The following EYS variants were observed in gnomAD, a reference collection of about 807,000 sequenced individuals.
The protein encoded by EYS is protein eyes shut homolog.
Under a neutral mutation model 282.1 loss-of-function variants are expected in EYS, and 250 were observed. The observed-to-expected ratio is 0.89, with a 90% CI of 0.80 to 0.98. EYS has a LOEUF of 0.98. Ranked by LOEUF, EYS falls within the 50% of genes least tolerant of loss-of-function variation. EYS has a pLI of 0.00. For synonymous variants in EYS, 1,355 were observed against 1,282.9 expected, an observed-to-expected ratio of 1.06 and a Z score of -1.20; for missense variants, 4,016 against 3,709.0, an observed-to-expected ratio of 1.08 and a Z score of -2.15.
At chr6:63,991,967 C>G (rs115841846) in intron 34 of EYS, among the ~76,000 whole-genome samples, 4,449 of 151,754 alleles carry the variant, frequency 0.029, 105 homozygotes, top group South Asian at 0.087. Context: ...TTTAAAGGAA[C>G]CTGCAAACCA....
intron 26 of EYS, among the ~76,000 whole-genome samples, chr6:64,569,026 G>A (rs13191569): frequency 8.8e-3 from 888 of 101,348 alleles, no homozygotes; most frequent in Middle Eastern, 0.037. Flanking sequence ...AGATGGAAAA[G>A]AAAAAAAAAA....
chr6:63,905,020 A>G (rs1773740873), intron 35 of EYS, among the ~76,000 whole-genome samples: 1 of 152,168 alleles, frequency 6.6e-6, no homozygotes, highest in African/African-American at 2.4e-5. Context: ...TATCACCCCA[A>G]AGGAAACACC....
At chr6:64,361,221 G>A (rs1456378209) in intron 29 of EYS, among the ~76,000 whole-genome samples, 1 of 120,940 alleles carries the variant, frequency 8.3e-6, no homozygotes, top group Non-Finnish European at 1.8e-5. Flanking sequence ...GTTTTTTTTT[G>A]TGCCTACTAT....
intron 8 of EYS, among the ~76,000 whole-genome samples, chr6:65,378,446 T>G (rs1470875141): frequency 1.3e-5 from 2 of 152,108 alleles, no homozygotes; most frequent in African/African-American, 2.4e-5. Context: ...GGAGTGTAAA[T>G]TAGTTCAATC....
chr6:63,763,192 C>T (rs1206382643), intron 40 of EYS, among the ~76,000 whole-genome samples: 1 of 151,976 alleles, frequency 6.6e-6, no homozygotes, highest in Non-Finnish European at 1.5e-5. Flanking sequence ...AGAGGTGTCC[C>T]TCTAGCTAAA....
chr6:64,274,385 T>A (rs904878609), intron 30 of EYS, among the ~76,000 whole-genome samples: 3 of 151,486 alleles, frequency 2.0e-5, no homozygotes, highest in African/African-American at 7.3e-5. Context: ...TTGCCCAGGC[T>A]GGTCTCAAAC....
intron 2 of EYS, among the ~76,000 whole-genome samples, chr6:65,542,601 G>A (rs898243330): frequency 8.6e-5 from 13 of 151,246 alleles, no homozygotes; most frequent in Admixed American, 7.9e-4. Flanking sequence ...CAGCAACCTC[G>A]GTCATATTCC....
At chr6:64,854,077 T>A (rs143457321) in intron 19 of EYS, among the ~76,000 whole-genome samples, 1 of 151,258 alleles carries the variant, frequency 6.6e-6, no homozygotes, top group Admixed American at 6.6e-5. Flanking sequence ...TTAGAATGGC[T>A]ATCATTATAA....
chr6:64,190,155 G>A (rs148675740), intron 31 of EYS, among the ~76,000 whole-genome samples: 3 of 152,296 alleles, frequency 2.0e-5, no homozygotes, highest in Non-Finnish European at 4.4e-5. Flanking sequence ...AAGCAGGTGT[G>A]CTGAGTGAGC....
intron 2 of EYS, among the ~76,000 whole-genome samples, chr6:65,638,670 C>T (rs763173489): frequency 5.9e-5 from 9 of 152,218 alleles, no homozygotes; most frequent in Non-Finnish European, 1.2e-4. Context: ...AGCTGCCCAC[C>T]GCGCTGCAGC....
chr6:65,153,363 ATGTGTGTGTG>A (rs67661407), intron 12 of EYS, among the ~76,000 whole-genome samples: 8,131 of 135,810 alleles, frequency 0.06, 365 homozygotes, highest in African/African-American at 0.13. Flanking sequence ...GAGATCATAA[ATGTGTGTGTG>A]TGTGTGTGTG....
In EYS at chr6:63,788,238, A is replaced by T; in HGVS notation, c.7590T>A (p.His2530Gln). 2.6e-6 allele frequency: 4 copies of T among 1,535,682 alleles called. No individual in the cohort carries two copies. The highest frequency in any genetic ancestry group is 1.7e-4 in the Middle Eastern group (1 of 5,960). The part of the protein sequence containing the change: ...FQEGWLKVDD[H>Q]KNKSIIAPGR... The stretch of plus-strand genomic sequence containing the variant: ...CTGGGGCGATAATGGATTTATTTTT[A>T]TGATCATCTACCTTCGAAAGGGAAA... Residue 2530 changes from histidine to glutamine, a missense_variant, in exon 39 of 43, where the codon CAT becomes CAA. Transcript: ENST00000503581.
intron 12 of EYS, among the ~76,000 whole-genome samples, chr6:65,262,781 G>A (rs890005250): frequency 6.6e-6 from 1 of 151,988 alleles, no homozygotes; most frequent in East Asian, 1.9e-4. Context: ...GCTCATGTAG[G>A]TATCTCTATA....
Position 64,014,162 on chromosome 6 carries a change from G to A in EYS, c.6726-14979C>T, listed in dbSNP as rs374076897. Among the ~76,000 whole-genome samples, 9 of 151,962 alleles carry A rather than the reference G, an allele frequency of 5.9e-5. No individual in the cohort carries two copies. In the South Asian group the frequency reaches 8.3e-4, roughly 14 times the overall value. ...AGTTTTTTTTTCAAGTTAAAAGACC[G>A]TATGGAAAAACTCAATTAGGTAACA... On this transcript the variant is annotated intron_variant, in intron 33 of 42. Transcript: ENST00000503581.
At chr6:65,487,353 T>C (rs28833774) in intron 5 of EYS, among the ~76,000 whole-genome samples, 1 of 152,184 alleles carries the variant, frequency 6.6e-6, no homozygotes, top group Non-Finnish European at 1.5e-5. Flanking sequence ...ATTCCATCGA[T>C]ACCTAGTTTA....
intron 22 of EYS, among the ~76,000 whole-genome samples, chr6:64,739,106 T>C (rs933599838): frequency 1.3e-5 from 2 of 152,218 alleles, no homozygotes; most frequent in Admixed American, 6.5e-5. Flanking sequence ...TTTTTCACTC[T>C]ACTGAGCTGG....
chr6:64,652,860 G>T (rs977168870), intron 22 of EYS, among the ~76,000 whole-genome samples: 2 of 152,094 alleles, frequency 1.3e-5, no homozygotes, highest in African/African-American at 4.8e-5. Flanking sequence ...TAAGAACTAT[G>T]TATAAAATTC....
chr6:65,045,253 A>G (rs182062608), intron 13 of EYS, among the ~76,000 whole-genome samples: 232 of 151,986 alleles, frequency 1.5e-3, no homozygotes, highest in African/African-American at 5.3e-3. Flanking sequence ...GACAAAATAC[A>G]ATTTTCATAG....
At chr6:65,521,711 T>A (rs187223584) in intron 2 of EYS, among the ~76,000 whole-genome samples, 1 of 152,274 alleles carries the variant, frequency 6.6e-6, no homozygotes, top group Non-Finnish European at 1.5e-5. Flanking sequence ...AGTATTCATT[T>A]CTTCTAATCT....
Sources: allele counts gnomAD v4.1 joint callset (sites outside exome capture counted in the v4.1 genomes callset), GRCh38; gene constraint gnomAD v4.1.1; transcripts MANE v1.5; gene names NCBI Gene and HGNC (gene_info 2026-07-23, HGNC 2026-07-21).